The following CSMD1 variants were observed in gnomAD, a reference collection of about 807,000 sequenced individuals.
CSMD1 encodes CUB and Sushi multiple domains 1, also known as CUB and sushi domain-containing protein 1.
Under a neutral mutation model 417.5 loss-of-function variants are expected in CSMD1, and 213 were observed. The observed-to-expected ratio is 0.51, with a 90% CI of 0.46 to 0.57. The LOEUF (loss-of-function observed/expected upper bound fraction) is 0.57, where lower values mean the gene tolerates loss of function less well. Ranked by LOEUF, CSMD1 falls within the 20% of genes least tolerant of loss-of-function variation. The probability of loss-of-function intolerance (pLI) is 0.00; values close to 1 mark genes in which losing one functional copy is unlikely to be tolerated. For missense variants in CSMD1, 6,923 were observed against 4,529.7 expected, an observed-to-expected ratio of 1.53 and a Z score of -15.17; for synonymous variants, 2,862 against 1,736.8, an observed-to-expected ratio of 1.65 and a Z score of -16.11.
chr8:4,640,355 G>A (rs953286523), intron 1 of CSMD1, among the ~76,000 whole-genome samples: 2 of 152,140 alleles, frequency 1.3e-5, no homozygotes, highest in African/African-American at 4.8e-5. Context: ...GGATGTATTT[G>A]GTCTGCAACT....
chr8:3,522,169 T>C (rs183874371), intron 10 of CSMD1, among the ~76,000 whole-genome samples: 347 of 152,330 alleles, frequency 2.3e-3, no homozygotes, highest in Admixed American at 3.9e-3. Context: ...ATTCGAAGTG[T>C]TCAGCAATGT....
intron 56 of CSMD1, among the ~76,000 whole-genome samples, chr8:2,974,101 G>A (rs1585076960): frequency 6.6e-6 from 1 of 151,944 alleles, no homozygotes; most frequent in African/African-American, 2.4e-5. Flanking sequence ...GGTAGAGGAT[G>A]ATGGTAGAGG....
rs1247290113 is a variant in CSMD1 at position 3,568,098 on chromosome 8, T to C, written c.1344+6847A>G. 2.0e-5 allele frequency among the ~76,000 whole-genome samples: 3 copies of C among 152,136 alleles called. No individual in the cohort carries two copies. In the East Asian group the frequency reaches 5.8e-4, roughly 29 times the overall value. ...TATGTTTAAAAATAATTTTATAATTTCCATTATAAATATATAATAAAACAA... is the reference window on the plus strand; with the variant it reads ...TATGTTTAAAAATAATTTTATAATTCCCATTATAAATATATAATAAAACAA... On this transcript the variant is annotated intron_variant, in intron 10 of 69. Transcript: ENST00000635120.
intron 21 of CSMD1, 138 bp from the exon 22 acceptor site, chr8:3,348,299 T>C: frequency 1.6e-6 from 1 of 630,720 alleles, no homozygotes; most frequent in Middle Eastern, 4.3e-4. Context: ...TCAAAATAGA[T>C]CAGTGATTTT....
chr8:4,032,699 T>C (rs2130581287), intron 3 of CSMD1, among the ~76,000 whole-genome samples: 1 of 152,304 alleles, frequency 6.6e-6, no homozygotes, highest in South Asian at 2.1e-4. Context: ...GCAGCCAGGC[T>C]CTGTCCATTT....
chr8:4,362,264 C>T (rs969536486), intron 3 of CSMD1, among the ~76,000 whole-genome samples: 3 of 152,046 alleles, frequency 2.0e-5, no homozygotes, highest in African/African-American at 4.8e-5. Context: ...GGGATTTCAA[C>T]CAGAACACAA....
At chr8:4,179,319 C>T (rs951820195) in intron 3 of CSMD1, among the ~76,000 whole-genome samples, 2 of 152,124 alleles carry the variant, frequency 1.3e-5, no homozygotes, top group Non-Finnish European at 2.9e-5. Context: ...CAAAACCAAG[C>T]AATGGGGGAA....
intron 11 of CSMD1, among the ~76,000 whole-genome samples, chr8:3,490,999 C>T (rs896448290): frequency 1.3e-5 from 2 of 151,958 alleles, no homozygotes; most frequent in African/African-American, 4.8e-5. Flanking sequence ...ATTGGAGAAA[C>T]GTAACAATGT....
intron 52 of CSMD1, among the ~76,000 whole-genome samples, chr8:3,017,805 TTAAAAAAAAAAAAAA>T (rs1196118414): frequency 1.6e-5 from 2 of 121,690 alleles, no homozygotes; most frequent in African/African-American, 7.2e-5. Context: ...TTTGAGTGAT[TTAAAAAAAAAAAAAA>T]AAAAAAAAAA....
chr8:3,967,326 G>A (rs974933538), intron 5 of CSMD1, among the ~76,000 whole-genome samples: 1 of 151,958 alleles, frequency 6.6e-6, no homozygotes, highest in African/African-American at 2.4e-5. Flanking sequence ...GGAAATGATG[G>A]TACGGCTTCT....
intron 7 of CSMD1, among the ~76,000 whole-genome samples, chr8:3,684,376 A>G (rs890301700): frequency 4.7e-5 from 7 of 147,710 alleles, no homozygotes; most frequent in Non-Finnish European, 1.0e-4. Flanking sequence ...TACATAATAT[A>G]TAAAATGTAT....
intron 3 of CSMD1, among the ~76,000 whole-genome samples, chr8:4,395,840 A>C (rs1360473081): frequency 6.6e-6 from 1 of 152,208 alleles, no homozygotes; most frequent in Non-Finnish European, 1.5e-5. Context: ...TAACTTAGAA[A>C]ATGATAGCAT....
chr8:3,541,948 G>A (rs1159357283), intron 10 of CSMD1, among the ~76,000 whole-genome samples: 2 of 152,040 alleles, frequency 1.3e-5, no homozygotes, highest in African/African-American at 2.4e-5. Flanking sequence ...CCCAGGAGGT[G>A]GAGGTTGGAG....
intron 1 of CSMD1, among the ~76,000 whole-genome samples, chr8:4,925,709 G>A (rs1806820159): frequency 1.3e-5 from 2 of 151,980 alleles, no homozygotes; most frequent in South Asian, 4.1e-4. Flanking sequence ...ACCACGCAGG[G>A]CTAATTTTTT....
intron 3 of CSMD1, among the ~76,000 whole-genome samples, chr8:4,066,181 A>G (rs1585239074): frequency 6.6e-6 from 1 of 151,956 alleles, no homozygotes; most frequent in South Asian, 2.1e-4. Context: ...ATTCACATTC[A>G]CCTCTCCTTA....
chr8:3,474,233 G>T (rs1014953204), intron 11 of CSMD1, among the ~76,000 whole-genome samples: 11 of 152,052 alleles, frequency 7.2e-5, no homozygotes, highest in Non-Finnish European at 1.6e-4. Context: ...GGTTGGAAAA[G>T]GAATGAATGA....
chr8:4,236,035 GTTT>G (rs1802029057), intron 3 of CSMD1, among the ~76,000 whole-genome samples: 1 of 112,614 alleles, frequency 8.9e-6, no homozygotes, highest in Non-Finnish European at 1.7e-5. Flanking sequence ...TGTTTTTTTT[GTTT>G]GTTTTTTTTT....
chr8:4,087,064 G>A (rs577979410), intron 3 of CSMD1, among the ~76,000 whole-genome samples: 1 of 152,216 alleles, frequency 6.6e-6, no homozygotes, highest in African/African-American at 2.4e-5. Flanking sequence ...GCTAGCCCAA[G>A]AGAGATGCGT....
chr8:3,433,642 C>G (rs796101212), intron 12 of CSMD1, among the ~76,000 whole-genome samples: 4 of 152,302 alleles, frequency 2.6e-5, no homozygotes, highest in African/African-American at 7.2e-5. Context: ...ATCAGATGGC[C>G]ATTTAGCGCC....
Sources: gnomAD v4.1 joint callset for allele counts (sites outside exome capture counted in the v4.1 genomes callset) on GRCh38, gnomAD v4.1.1 for gene constraint, MANE v1.5 for transcripts, NCBI Gene and HGNC (gene_info 2026-07-23, HGNC 2026-07-21) for gene names.